PIEZO1: variants seen among roughly 807,000 people sequenced by gnomAD.
PIEZO1 encodes piezo-type mechanosensitive ion channel component 1.
A neutral mutation model predicts 297.2 loss-of-function variants in PIEZO1; 296 were observed. That is an observed-to-expected ratio of 1.00 (90% confidence interval 0.91 to 1.10). The LOEUF (loss-of-function observed/expected upper bound fraction) is 1.10, where lower values mean the gene tolerates loss of function less well. PIEZO1 is among the 50% of genes least tolerant of loss of function. The probability of loss-of-function intolerance (pLI) is 0.00; values close to 1 mark genes in which losing one functional copy is unlikely to be tolerated. For missense variants in PIEZO1, 5,018 were observed against 3,455.5 expected (o/e 1.45, Z -11.34); for synonymous variants, 2,427 against 1,507.5 (o/e 1.61, Z -14.13).
rs1905252723 is a variant in PIEZO1, at chr16:88,736,820, C to G, written c.1196-81G>C. ...CTGACTATGCCCTAAAATCTGGGCC[C>G]TGGGCAAGCACACAGCAGGAGAGAC... On this transcript the variant is annotated intron_variant, in intron 10 of 50. Coordinates refer to ENST00000301015, the MANE Select transcript of PIEZO1 (RefSeq NM_001142864.4). The G allele has an allele frequency of 1.4e-5, 12 of 883,542 alleles. No individual in the cohort carries two copies. In the South Asian group the frequency reaches 1.5e-4, roughly 11 times the overall value. 54.7% of individuals were successfully genotyped at this position (883,542 alleles called of 1,614,324 possible). A position where few individuals can be genotyped will look rare whatever the true frequency, so the allele number is the denominator to read the frequency against.
chr16:88,741,436 C>G (rs758846909), intron 5 of PIEZO1, 42 bp downstream of exon 5: 2 of 1,492,488 alleles, frequency 1.3e-6, no homozygotes, highest in African/African-American at 1.4e-5. Flanking sequence ...CCACAGCTCT[C>G]GAATGACCTC....
rs1277769606 is a variant in PIEZO1, at chr16:88,725,699, G to A, written c.3969-15C>T. On this transcript the variant is annotated splice_polypyrimidine_tract_variant and intron_variant, in intron 27 of 50. Coordinates refer to ENST00000301015, the MANE Select transcript of PIEZO1 (RefSeq NM_001142864.4). ...GGGCGAAGCCCCTGTAGGGAGGCGG[G>A]GATGGGGTGTGAGCACCAGGCACTC... 2 of 1,404,906 alleles carry A rather than the reference G, an allele frequency of 1.4e-6. No individual in the cohort carries two copies. The highest frequency in any genetic ancestry group is 2.0e-6 in the Non-Finnish European group (2 of 1,014,904). The allele number at this position is 1,404,906 out of a possible 1,614,324, so 87.0% of individuals were successfully genotyped here. A position where few individuals can be genotyped will look rare whatever the true frequency, so the allele number is the denominator to read the frequency against.
At position 88,721,983 on chromosome 16, in the gene PIEZO1, T is replaced by A. The variant is rs1194936097; in HGVS notation, c.5039A>T (p.Tyr1680Phe). ...GRALRLLRAV[Y>F]QCVAAHSELL... ...CTCCGAGTGGGCGGCCACACACTGG[T>A]ACACGGCCCGCAGCAGCCGCAGCGC... The change falls in exon 37 of 51, where the codon TAC becomes TTC. Residue 1680 changes from tyrosine (Y) to phenylalanine (F), a missense_variant. Physicochemically the swap from Tyr to Phe is conservative, Grantham distance 22 (BLOSUM62 3). Transcript: ENST00000301015. 3.1e-5 allele frequency: 48 copies of A among 1,549,840 alleles called. No individual in the cohort carries two copies. Among genetic ancestry groups the A allele is most frequent in the Middle Eastern group, 1.7e-4 (1 of 5,906 alleles).
At chr16:88,746,236 A>G (rs944888522) in intron 2 of PIEZO1, among the ~76,000 whole-genome samples, 1 of 152,056 alleles carries the variant, frequency 6.6e-6, no homozygotes. Context: ...GAGCCGGGGG[A>G]CCAGTGAAGC....
At position 88,732,669 on chromosome 16, in the gene PIEZO1, GC is replaced by G; in HGVS notation, c.2727del (p.Val911TrpfsTer91). On this transcript the variant is annotated frameshift_variant, in exon 20 of 51. Coordinates refer to ENST00000301015, the MANE Select transcript of PIEZO1 (RefSeq NM_001142864.4). LOFTEE classifies it high-confidence loss of function. ...TEISQSLLYR[G>X]PVDPANWFGV... Reference sequence around the variant, plus strand: ...CCAAACCAGTTGGCAGGGTCCACGGGCCCCCGGTACAGCAGGGACTGGCTGA... The same window carrying G: ...CCAAACCAGTTGGCAGGGTCCACGGGCCCCGGTACAGCAGGGACTGGCTGA... The G allele has an allele frequency of 6.5e-7, 1 of 1,549,548 alleles. No individual in the cohort carries two copies. The highest frequency in any genetic ancestry group is 8.7e-7 in the Non-Finnish European group (1 of 1,146,420).
At chr16:88,749,331 G>GACC (rs1037463727) in intron 2 of PIEZO1, 53 bp downstream of exon 2, 2 of 1,238,662 alleles carry the variant, frequency 1.6e-6, no homozygotes, top group Admixed American at 6.7e-5. Context: ...GGCCCCAAAC[G>GACC]AATGCCCACC....
At position 88,738,702 on chromosome 16, in the gene PIEZO1, G is replaced by A. The variant is rs771046972; in HGVS notation, c.500C>T (p.Thr167Met). 1.6e-5 allele frequency: 25 copies of A among 1,533,556 alleles called. No homozygotes were observed. The highest frequency in any genetic ancestry group is 9.5e-5 in the South Asian group (8 of 84,008). The allele number at this position is 1,533,556 out of a possible 1,614,324, so 95.0% of individuals were successfully genotyped here. A position where few individuals can be genotyped will look rare whatever the true frequency, so the allele number is the denominator to read the frequency against. ...DDERDVDASP[T>M]AGLQEAATLA... Reference sequence around the variant, plus strand: ...CGTTGCTGCTTCCTGCAGCCCTGCCGTCGGGCTGGCATCCACATCCCTCTC... The same window carrying A: ...CGTTGCTGCTTCCTGCAGCCCTGCCATCGGGCTGGCATCCACATCCCTCTC... Residue 167 changes from threonine to methionine, a missense_variant, in exon 6 of 51, where the codon ACG becomes ATG. By Grantham distance (81) the Thr-to-Met change is moderately conservative. Coordinates refer to ENST00000301015, the MANE Select transcript of PIEZO1 (RefSeq NM_001142864.4).
Position 88,716,867 on chromosome 16 carries a change from G to A in PIEZO1, c.6692C>T (p.Ser2231Phe), listed in dbSNP as rs575482829. Residue 2231 changes from serine to phenylalanine, a missense_variant, in exon 46 of 51, where the codon TCC (serine) becomes TTC (phenylalanine). By Grantham distance (155) the Ser-to-Phe change is radical. Coordinates refer to ENST00000301015, the MANE Select transcript of PIEZO1 (RefSeq NM_001142864.4). ...PLFTMSAQQP[S>F]IIPFTAQAYE... is the part of the protein sequence containing the mutation. ...GGCCTGGGCCGTGAAGGGGATGATG[G>A]ACGGCTGCTGGGCGCTCATGGTGAA... is the stretch of plus-strand genomic sequence containing the variant. The A allele has an allele frequency of 8.3e-5, 129 of 1,550,058 alleles. 5 individuals are homozygous for A. Among genetic ancestry groups the A allele is most frequent in the Admixed American group, 5.9e-4 (30 of 51,012 alleles).
chr16:88,733,251 C>T (rs2142812845), intron 19 of PIEZO1, 27 bp downstream of exon 19: 10 of 1,529,240 alleles, frequency 6.5e-6, no homozygotes, highest in Non-Finnish European at 8.8e-6. Context: ...GGAGCTTCCT[C>T]CCGTCCCAGC....
In PIEZO1 at chr16:88,719,646, C is replaced by A. The variant is rs1567659433; in HGVS notation, c.6399G>T (p.Leu2133=). ...TGTCCTCCACACACATCCAGCTGGACAGGGACAGCGTGGTGTCCGTCCACA... is the reference window on the plus strand; with the variant it reads ...TGTCCTCCACACACATCCAGCTGGAAAGGGACAGCGTGGTGTCCGTCCACA... ...DWVWTDTTLS[L]SSWMCVEDIY... is the part of the protein sequence containing the mutation. Residue 2133 remains leucine, a synonymous_variant, in exon 44 of 51, where the codon CTG becomes CTT. Coordinates refer to ENST00000301015, the MANE Select transcript of PIEZO1 (RefSeq NM_001142864.4). 2 of 1,553,982 alleles carry A rather than the reference C, an allele frequency of 1.3e-6. No individual in the cohort carries two copies. Among genetic ancestry groups the A allele is most frequent in the South Asian group, 2.4e-5 (2 of 84,234 alleles).
intron 2 of PIEZO1, among the ~76,000 whole-genome samples, chr16:88,747,981 G>C (rs1380606973): frequency 6.6e-6 from 1 of 152,194 alleles, no homozygotes; most frequent in Admixed American, 6.5e-5. Context: ...CAGCCCGGTG[G>C]ACACCTCGTA....
chr16:88,722,358 G>C lies in PIEZO1; in HGVS notation c.4815C>G (p.Asp1605Glu). ...GAEEPLSSMT[D>E]DMGSPLSTGY... ...CGGTGCTCAGGGGGCTGCCCATGTC[G>C]TCTGTCATGCTGCTGAGTGGCTCCT... The change falls in exon 36 of 51, where the codon GAC becomes GAG. Residue 1605 changes from aspartate to glutamate, a missense_variant. Physicochemically the swap from Asp to Glu is conservative, Grantham distance 45. Coordinates refer to ENST00000301015, the MANE Select transcript of PIEZO1 (RefSeq NM_001142864.4). 6.5e-7 allele frequency: 1 copy of C among 1,530,116 alleles called. No individual in the cohort carries two copies. The allele number at this position is 1,530,116 out of a possible 1,614,324, so 94.8% of individuals were successfully genotyped here.
In PIEZO1 at chr16:88,716,028, C is replaced by G. The variant is rs1044608303; in HGVS notation, c.7221G>C (p.Glu2407Asp). Reference sequence around the variant, plus strand: ...TGCAGTCGGTCCGGCACTCCTGCAGCTCGATGACCCACCATTCGAGGAAGC... The same window carrying G: ...TGCAGTCGGTCCGGCACTCCTGCAGGTCGATGACCCACCATTCGAGGAAGC... ...ATGFLEWWVIELQECRTDCNL... is the reference protein window; with the variant it reads ...ATGFLEWWVIDLQECRTDCNL... Residue 2407 changes from glutamate to aspartate, a missense_variant, in exon 50 of 51, where the codon GAG becomes GAC. Transcript: ENST00000301015. The G allele has an allele frequency of 6.5e-7, 1 of 1,550,128 alleles. No homozygotes were observed. The highest frequency in any genetic ancestry group is 8.7e-7 in the Non-Finnish European group (1 of 1,146,936).
At chr16:88,726,233 C>T (rs903960380) in intron 27 of PIEZO1, 51 bp downstream of exon 27, 2 of 1,465,112 alleles carry the variant, frequency 1.4e-6, no homozygotes, top group African/African-American at 2.8e-5. Context: ...CCCATTGCCC[C>T]CTCCCAGCCC....
rs377313993 is a variant in PIEZO1, at chr16:88,736,248, A to G, written c.1457T>C (p.Met486Thr). ...TLCCLRYVWA[M>T]DLRPELPTTL... is the part of the protein sequence containing the mutation. The stretch of plus-strand genomic sequence containing the variant: ...GGTGGGCAGCTCAGGGCGCAGGTCC[A>G]TGGCCCACACGTAGCGTAGGCAGCA... The change falls in exon 12 of 51, where the codon ATG (methionine) becomes ACG (threonine). Residue 486 changes from methionine (M) to threonine (T), a missense_variant. Met to Thr is a moderately conservative substitution (Grantham distance 81, BLOSUM62 -1). Coordinates refer to ENST00000301015, the MANE Select transcript of PIEZO1 (RefSeq NM_001142864.4). 8 of 1,550,070 alleles carry G rather than the reference A, an allele frequency of 5.2e-6. No homozygotes were observed. The East Asian group carries it at 7.3e-5, about 14-fold the overall frequency.
rs147221901 is a variant in PIEZO1, at chr16:88,722,099, G to C, written c.4956-33C>G. On this transcript the variant is annotated intron_variant, in intron 36 of 50. Transcript: ENST00000301015. ...GAGACCCGCGTGTTTGGGGGAGTCTGGGACTGCCCGAAGGCATGACGGCCC... is the reference window on the plus strand; with the variant it reads ...GAGACCCGCGTGTTTGGGGGAGTCTCGGACTGCCCGAAGGCATGACGGCCC... 348 of 1,535,002 alleles carry C rather than the reference G, an allele frequency of 2.3e-4. No homozygotes were observed. In the African/African-American group the frequency reaches 3.5e-3, roughly 16 times the overall value.
chr16:88,757,875 G>A (rs993224010), intron 1 of PIEZO1, among the ~76,000 whole-genome samples: 2 of 152,178 alleles, frequency 1.3e-5, no homozygotes, highest in African/African-American at 4.8e-5. Flanking sequence ...AGCTCCAGCA[G>A]ATGCCCCAGG....
At chr16:88,752,763 G>A (rs756493639) in intron 1 of PIEZO1, among the ~76,000 whole-genome samples, 2 of 151,832 alleles carry the variant, frequency 1.3e-5, no homozygotes, top group African/African-American at 4.9e-5. Context: ...GGGGTTCCCC[G>A]GCAGGCCAAC....
chr16:88,776,816 C>T (rs373418427), intron 1 of PIEZO1, among the ~76,000 whole-genome samples: 10 of 152,212 alleles, frequency 6.6e-5, no homozygotes, highest in Non-Finnish European at 1.3e-4. Context: ...TGAGCCTGTA[C>T]GTCCTCATGT....
Sources: allele counts gnomAD v4.1 joint callset (sites outside exome capture counted in the v4.1 genomes callset), GRCh38; gene constraint gnomAD v4.1.1; transcripts MANE v1.5; gene names NCBI Gene and HGNC (gene_info 2026-07-23, HGNC 2026-07-21).